The following TRPC5 variants were observed in gnomAD, a reference collection of about 807,000 sequenced individuals.
TRPC5 encodes short transient receptor potential channel 5.
TRPC5 carries 9 observed loss-of-function variants against 56.5 expected under a neutral mutation model. That is an observed-to-expected ratio of 0.16 (90% CI 0.10 to 0.28). TRPC5 has a LOEUF of 0.28. Ranked by LOEUF, TRPC5 falls within the 10% of genes least tolerant of loss-of-function variation. The probability of loss-of-function intolerance (pLI) is 1.00; values close to 1 mark genes in which losing one functional copy is unlikely to be tolerated. For missense variants in TRPC5, 469 were observed against 748.9 expected (o/e 0.63, Z 4.36); for synonymous variants, 282 against 278.5 (o/e 1.01, Z -0.13).
chrX:111,956,970 C>T (rs754112810), intron 1 of TRPC5, among the ~76,000 whole-genome samples: 8 of 112,084 alleles, frequency 7.1e-5, no homozygotes, highest in Non-Finnish European at 1.5e-4. Flanking sequence ...CTCTCTAGAG[C>T]AGCATCAAGC....
intron 1 of TRPC5, among the ~76,000 whole-genome samples, chrX:111,966,695 A>C (rs1927593494): frequency 8.9e-6 from 1 of 112,406 alleles, no homozygotes; most frequent in Admixed American, 9.4e-5. Context: ...CAATAAATGT[A>C]ATCCAGCATA....
chrX:111,939,936 T>C lies in TRPC5; in HGVS notation c.378+12107A>G, dbSNP rs141761011. Among the ~76,000 whole-genome samples the C allele has an allele frequency of 4.9e-3, 549 of 111,893 alleles. 2 individuals carry two copies. Among genetic ancestry groups the C allele is most frequent in the South Asian group, 8.2e-3 (22 of 2,695 alleles). On this transcript the variant is annotated intron_variant, in intron 2 of 10. Transcript: ENST00000262839. Reference sequence around the variant, plus strand: ...TTCTTCTACTAATTTTGTGTTTGGTTTGCTCTTGCTTTGGTAGTTCATTAA... The same window carrying C: ...TTCTTCTACTAATTTTGTGTTTGGTCTGCTCTTGCTTTGGTAGTTCATTAA...
chrX:111,814,958 C>T (rs1334965443), intron 7 of TRPC5, among the ~76,000 whole-genome samples: 1 of 111,318 alleles, frequency 9.0e-6, no homozygotes, highest in African/African-American at 3.3e-5. Context: ...CCTCACACTC[C>T]ACTACTGACA....
chrX:111,874,218 A>G (rs1923848874), intron 3 of TRPC5, among the ~76,000 whole-genome samples: 1 of 112,554 alleles, frequency 8.9e-6, no homozygotes, highest in Non-Finnish European at 1.9e-5. Context: ...TGAAGGGAAC[A>G]CCTAACAGAT....
chrX:111,951,699 A>G (rs1043742791), intron 2 of TRPC5, among the ~76,000 whole-genome samples: 6 of 111,809 alleles, frequency 5.4e-5, no homozygotes, highest in Non-Finnish European at 9.4e-5. Context: ...CTTTTCTAGA[A>G]TATAACCTTT....
In TRPC5 at chrX:111,847,083, T is replaced by A. The variant is rs769599266; in HGVS notation, c.1700+31A>T. On this transcript the variant is annotated intron_variant, in intron 6 of 10. Transcript: ENST00000262839. ...GCGGAAAAAATGGCAAAAAAAAAAATAAATAAATAAAGGAAAGGGGATCGT... is the reference window on the plus strand; with the variant it reads ...GCGGAAAAAATGGCAAAAAAAAAAAAAAATAAATAAAGGAAAGGGGATCGT... 8.2e-5 allele frequency: 92 copies of A among 1,124,906 alleles called. No individual in the cohort carries two copies. In the Middle Eastern group the frequency reaches 1.5e-3, roughly 19 times the overall value. The allele number at this position is 1,124,906 out of a possible 1,213,427, so 92.7% of individuals were successfully genotyped here.
intron 2 of TRPC5, among the ~76,000 whole-genome samples, chrX:111,925,961 C>T (rs774600470): frequency 1.5e-3 from 171 of 111,733 alleles, no homozygotes; most frequent in African/African-American, 5.1e-3. Flanking sequence ...GGATGTTTAG[C>T]AGCATCCTTT....
rs1468435825 is a variant in TRPC5 at position 111,775,596 on chromosome X, T to A, written c.*717A>T. On this transcript the variant is annotated 3_prime_UTR_variant, in exon 11 of 11. Transcript: ENST00000262839. The stretch of plus-strand genomic sequence containing the variant: ...CTGAAACACACAAACAGAAAAATAA[T>A]TCGCCTAACTTATTAGATATGACAT... 8.9e-6 allele frequency: 1 copy of A among 112,205 alleles called. No individual in the cohort carries two copies. Among genetic ancestry groups the A allele is most frequent in the Admixed American group, 9.6e-5 (1 of 10,461 alleles). The allele number at this position is 112,205 out of a possible 1,213,427, so 9.2% of individuals were successfully genotyped here. A position where few individuals can be genotyped will look rare whatever the true frequency, so the allele number is the denominator to read the frequency against.
intron 1 of TRPC5, among the ~76,000 whole-genome samples, chrX:112,015,751 CCA>C (rs201080146): frequency 0.024 from 2,738 of 111,776 alleles, 35 homozygotes; most frequent in Middle Eastern, 0.051. Flanking sequence ...TACCAAGTAT[CCA>C]TTTGCGAAGA....
intron 2 of TRPC5, among the ~76,000 whole-genome samples, chrX:111,934,448 A>C (rs1054273261): frequency 9.0e-6 from 1 of 111,293 alleles, no homozygotes; most frequent in Non-Finnish European, 1.9e-5. Context: ...CACCACCTAA[A>C]GCATTTTCAT....
At chrX:111,906,229 C>G (rs1296638811) in intron 3 of TRPC5, among the ~76,000 whole-genome samples, 2 of 109,283 alleles carry the variant, frequency 1.8e-5, no homozygotes, top group Admixed American at 9.8e-5. Flanking sequence ...GTGGTAGGCA[C>G]CTGTAATCCC....
In TRPC5 at chrX:112,001,285, C is replaced by T. The variant is rs185061363; in HGVS notation, c.-21-48844G>A. On this transcript the variant is annotated intron_variant, in intron 1 of 10. Transcript: ENST00000262839. ...CTGGGTTGGAAACACAGCTTCACTACTTATCAGCTGTGAGACCTCAAGAAA... is the reference window on the plus strand; with the variant it reads ...CTGGGTTGGAAACACAGCTTCACTATTTATCAGCTGTGAGACCTCAAGAAA... Among the ~76,000 whole-genome samples the T allele has an allele frequency of 2.3e-3, 261 of 112,076 alleles. 3 individuals are homozygous for T. Among genetic ancestry groups the T allele is most frequent in the African/African-American group, 8.2e-3 (254 of 30,866 alleles).
At chrX:111,894,095 T>C (rs1241440970) in intron 3 of TRPC5, among the ~76,000 whole-genome samples, 2 of 111,741 alleles carry the variant, frequency 1.8e-5, no homozygotes, top group East Asian at 5.6e-4. Flanking sequence ...AAAATTTTCC[T>C]GTTTGTAAAT....
intron 1 of TRPC5, 28 bp from the exon 2 acceptor site, chrX:111,952,469 A>C: frequency 8.6e-7 from 1 of 1,162,817 alleles, no homozygotes; most frequent in East Asian, 3.0e-5. Context: ...GAAAGACCAA[A>C]ATATCCTTAG....
At chrX:111,856,055 G>A (rs1302942888) in intron 3 of TRPC5, among the ~76,000 whole-genome samples, 7 of 111,442 alleles carry the variant, frequency 6.3e-5, no homozygotes, top group Non-Finnish European at 1.3e-4. Context: ...AGAAAAGAGA[G>A]TAAACCGCCA....
At chrX:111,804,894 C>T (rs374096834) in intron 7 of TRPC5, among the ~76,000 whole-genome samples, 26 of 111,771 alleles carry the variant, frequency 2.3e-4, no homozygotes, top group African/African-American at 7.5e-4. Context: ...ATGTTGAATA[C>T]GAGTGGTGAA....
intron 1 of TRPC5, among the ~76,000 whole-genome samples, chrX:112,036,482 C>T (rs1028265383): frequency 1.8e-5 from 2 of 111,761 alleles, no homozygotes; most frequent in Non-Finnish European, 3.8e-5. Context: ...GACCAGGGTC[C>T]CACACAAGAA....
At chrX:111,781,286 TTCTA>T in intron 8 of TRPC5, 80 bp from the exon 9 acceptor site, 1 of 894,608 alleles carries the variant, frequency 1.1e-6, no homozygotes. Context: ...ATATAATTAT[TTCTA>T]TATATTAGGA....
In TRPC5 at chrX:111,769,057, A is replaced by G. The variant is rs964030057; in HGVS notation, c.*7256T>C. Among the ~76,000 whole-genome samples the G allele has an allele frequency of 1.8e-5, 2 of 111,867 alleles. No individual in the cohort carries two copies. The highest frequency in any genetic ancestry group is 6.5e-5 in the African/African-American group (2 of 30,768). ...TATGTGACTTTCAAATGACCTGAAC[A>G]CATTCAGCTAGCTAGCTGCCATCTT... On this transcript the variant is annotated 3_prime_UTR_variant, in exon 11 of 11. Transcript: ENST00000262839.
Sources: gnomAD v4.1 joint callset for allele counts (sites outside exome capture counted in the v4.1 genomes callset) on GRCh38, gnomAD v4.1.1 for gene constraint, MANE v1.5 for transcripts, NCBI Gene and HGNC (gene_info 2026-07-23, HGNC 2026-07-21) for gene names.